The following PHF14 variants were observed in gnomAD, a reference collection of about 807,000 sequenced individuals.
PHF14 encodes the protein PHD finger protein 14.
Under a neutral mutation model 117.9 loss-of-function variants are expected in PHF14, and 55 were observed. The ratio of observed to expected loss-of-function variants is 0.47; its 90% CI spans 0.38 to 0.58. The LOEUF (loss-of-function observed/expected upper bound fraction) is 0.58, where lower values mean the gene tolerates loss of function less well. Ranked by LOEUF, PHF14 falls within the 20% of genes least tolerant of loss-of-function variation. The probability of loss-of-function intolerance (pLI) is 0.00; values close to 1 mark genes in which losing one functional copy is unlikely to be tolerated. For synonymous variants in PHF14, 409 were observed against 368.6 expected (o/e 1.11, Z -1.26); for missense variants, 978 against 1,122.2 (o/e 0.87, Z 1.84).
intron 12 of PHF14, 47 bp downstream of exon 12, chr7:11,040,822 T>A: frequency 1.1e-6 from 1 of 872,870 alleles, no homozygotes; most frequent in Non-Finnish European, 1.7e-6. Context: ...TGTATTTTTT[T>A]AAACTGATAC....
At chr7:11,068,660 A>G (rs1785504964) in intron 16 of PHF14, among the ~76,000 whole-genome samples, 1 of 152,186 alleles carries the variant, frequency 6.6e-6, no homozygotes, top group Non-Finnish European at 1.5e-5. Context: ...CTGTACACTT[A>G]AAAATGGTTA....
chr7:11,085,273 A>G (rs1234123318), intron 16 of PHF14, among the ~76,000 whole-genome samples: 1 of 152,212 alleles, frequency 6.6e-6, no homozygotes, highest in African/African-American at 2.4e-5. Flanking sequence ...CATTAGCTTA[A>G]TATAAAAATA....
At chr7:11,065,235 A>G (rs918721165) in intron 16 of PHF14, among the ~76,000 whole-genome samples, 3 of 152,034 alleles carry the variant, frequency 2.0e-5, no homozygotes, top group Admixed American at 6.6e-5. Context: ...AACTAAATAT[A>G]TATTTCTTTA....
At chr7:11,034,213 G>A (rs374890621) in intron 7 of PHF14, among the ~76,000 whole-genome samples, 9 of 150,968 alleles carry the variant, frequency 6.0e-5, no homozygotes, top group East Asian at 3.9e-4. Context: ...ATTTCTCTTT[G>A]GGTTGTAAAA....
At chr7:11,036,829 T>G (rs1784336068) in intron 9 of PHF14, 141 bp downstream of exon 9, 1 of 978,718 alleles carries the variant, frequency 1.0e-6, no homozygotes, top group East Asian at 2.6e-5. Flanking sequence ...TAATATGTTG[T>G]GGGTTTTTAC....
chr7:11,098,181 G>A (rs912375514), intron 16 of PHF14, among the ~76,000 whole-genome samples: 1 of 151,978 alleles, frequency 6.6e-6, no homozygotes, highest in Non-Finnish European at 1.5e-5. Context: ...CAGACATTTT[G>A]ATGATTCTGT....
In PHF14 at chr7:11,155,857, A is replaced by G. The variant is rs556132168; in HGVS notation, c.2773-13559A>G. ...AGGAAGGAATGAATAGATGGCTTAT[A>G]TAGCTTGCTGGAGATCTGTTTTCAA... is the stretch of plus-strand genomic sequence containing the variant. On this transcript the variant is annotated intron_variant, in intron 17 of 17. Transcript: ENST00000634607. 2.2e-4 allele frequency among the ~76,000 whole-genome samples: 33 copies of G among 152,182 alleles called. No homozygotes were observed. In the South Asian group the frequency reaches 6.8e-3, roughly 32 times the overall value.
At chr7:11,004,124 T>G (rs1294935872) in intron 4 of PHF14, among the ~76,000 whole-genome samples, 1 of 151,820 alleles carries the variant, frequency 6.6e-6, no homozygotes. Flanking sequence ...GGCTTGCGCC[T>G]GTAGTCCCAA....
chr7:11,159,431 T>C (rs996998871), intron 17 of PHF14, among the ~76,000 whole-genome samples: 1 of 152,096 alleles, frequency 6.6e-6, no homozygotes, highest in Non-Finnish European at 1.5e-5. Context: ...TATTGTGATG[T>C]CAATTAAATG....
chr7:11,155,041 A>G (rs987322367), intron 17 of PHF14, among the ~76,000 whole-genome samples: 10 of 152,174 alleles, frequency 6.6e-5, no homozygotes, highest in African/African-American at 2.2e-4. Flanking sequence ...CTACAGCAGT[A>G]TGTCATTAAT....
chr7:10,993,221 A>G (rs1206645875), intron 4 of PHF14, among the ~76,000 whole-genome samples: 1 of 151,866 alleles, frequency 6.6e-6, no homozygotes, highest in East Asian at 1.9e-4. Context: ...ATTAATTATT[A>G]TTATTATTAT....
At chr7:11,057,349 G>C (rs1785053060) in intron 14 of PHF14, among the ~76,000 whole-genome samples, 1 of 152,044 alleles carries the variant, frequency 6.6e-6, no homozygotes, top group Non-Finnish European at 1.5e-5. Flanking sequence ...ATTTGTTTTA[G>C]ATGAATAAAC....
chr7:11,044,132 C>T (rs1470190528), intron 13 of PHF14, among the ~76,000 whole-genome samples: 9 of 152,010 alleles, frequency 5.9e-5, no homozygotes, highest in Non-Finnish European at 1.2e-4. Context: ...AAGCTAAACA[C>T]TGGATAGTCA....
chr7:11,057,124 T>G (rs1785047049), intron 14 of PHF14, among the ~76,000 whole-genome samples: 1 of 152,124 alleles, frequency 6.6e-6, no homozygotes, highest in Non-Finnish European at 1.5e-5. Flanking sequence ...TTAAATTTAG[T>G]GACCTGGTCA....
chr7:11,070,048 A>T (rs947531847), intron 16 of PHF14, among the ~76,000 whole-genome samples: 2 of 151,396 alleles, frequency 1.3e-5, no homozygotes, highest in Admixed American at 6.6e-5. Flanking sequence ...AATGTTTTTG[A>T]TAATAAATTC....
At chr7:11,013,384 A>G (rs916284170) in intron 4 of PHF14, among the ~76,000 whole-genome samples, 7 of 151,434 alleles carry the variant, frequency 4.6e-5, no homozygotes, top group Non-Finnish European at 1.0e-4. Context: ...CTGGTCTCGA[A>G]CTCCTCACCT....
intron 17 of PHF14, among the ~76,000 whole-genome samples, chr7:11,164,358 C>T (rs1167981316): frequency 6.6e-6 from 1 of 152,178 alleles, no homozygotes; most frequent in Middle Eastern, 3.4e-3. Context: ...TCTATGCTCA[C>T]AGTGGGAAAA....
intron 16 of PHF14, among the ~76,000 whole-genome samples, chr7:11,073,928 A>G (rs1223977553): frequency 6.6e-6 from 1 of 152,272 alleles, no homozygotes; most frequent in East Asian, 1.9e-4. Flanking sequence ...TCTGTGCATC[A>G]GCTGGAGCTG....
At chr7:11,009,004 C>G (rs1361682410) in intron 4 of PHF14, among the ~76,000 whole-genome samples, 1 of 148,532 alleles carries the variant, frequency 6.7e-6, no homozygotes, top group Admixed American at 6.8e-5. Context: ...CCACTGTACT[C>G]CAGCCTGGGC....
Sources: gnomAD v4.1 joint callset for allele counts (sites outside exome capture counted in the v4.1 genomes callset) on GRCh38, gnomAD v4.1.1 for gene constraint, MANE v1.5 for transcripts, NCBI Gene and HGNC (gene_info 2026-07-23, HGNC 2026-07-21) for gene names.